ARAP1: variants seen among roughly 807,000 people sequenced by gnomAD.
ARAP1 encodes ArfGAP with RhoGAP domain, ankyrin repeat and PH domain 1.
In ARAP1, 76 loss-of-function variants were observed where a neutral mutation model predicts 172.2. That is an observed-to-expected ratio of 0.44 (90% CI 0.37 to 0.53). The LOEUF (loss-of-function observed/expected upper bound fraction) is 0.53, where lower values mean the gene tolerates loss of function less well. Ranked by LOEUF, ARAP1 falls within the 20% of genes least tolerant of loss-of-function variation. The probability of loss-of-function intolerance (pLI) is 0.00; values close to 1 mark genes in which losing one functional copy is unlikely to be tolerated. For missense variants in ARAP1, 1,686 were observed against 1,977.5 expected, an observed-to-expected ratio of 0.85 and a Z score of 2.80; for synonymous variants, 804 against 803.3, an observed-to-expected ratio of 1.00 and a Z score of -0.01.
chr11:72,704,391 G>A, intron 13 of ARAP1, 57 bp from the exon 14 acceptor site: 1 of 1,477,190 alleles, frequency 6.8e-7, no homozygotes, highest in Non-Finnish European at 9.0e-7. Context: ...GCCGTGCCGG[G>A]CAGAAACTTG....
rs1399835994 is a variant in ARAP1, at chr11:72,726,606, T to G, written c.509+14A>C. Reference sequence around the variant, plus strand: ...CTGCCTGTGCGCCTCCCACCCTGGGTGGCATCCACTCACCTCACCAGCAGG... The same window carrying G: ...CTGCCTGTGCGCCTCCCACCCTGGGGGGCATCCACTCACCTCACCAGCAGG... On this transcript the variant is annotated intron_variant, in intron 3 of 34. Coordinates refer to ENST00000393609, the MANE Select transcript of ARAP1 (RefSeq NM_001040118.3). This position sits in a 1 kb window ranked among gnomAD's most constrained non-coding sequence, Gnocchi z 6.5. 1 of 1,485,098 alleles carries G rather than the reference T, an allele frequency of 6.7e-7. No homozygotes were observed. The highest frequency in any genetic ancestry group is 2.4e-5 in the East Asian group (1 of 41,264). 92.0% of individuals were successfully genotyped at this position (1,485,098 alleles called of 1,614,324 possible). A position where few individuals can be genotyped will look rare whatever the true frequency, so the allele number is the denominator to read the frequency against.
At chr11:72,746,914 A>G (rs1463911482) in intron 1 of ARAP1, among the ~76,000 whole-genome samples, 2 of 152,350 alleles carry the variant, frequency 1.3e-5, no homozygotes, top group East Asian at 3.9e-4. Context: ...TGCCCTATGC[A>G]TTATGGGTTG....
At chr11:72,702,231 C>T (rs1051680611) in intron 15 of ARAP1, among the ~76,000 whole-genome samples, 5 of 152,214 alleles carry the variant, frequency 3.3e-5, no homozygotes, top group African/African-American at 9.6e-5. Flanking sequence ...TGTCCCCAAG[C>T]CCAAGCCAGT....
intron 30 of ARAP1, among the ~76,000 whole-genome samples, chr11:72,692,374 C>T (rs1445092954): frequency 6.6e-6 from 1 of 152,156 alleles, no homozygotes. Context: ...GTAGCAAGAA[C>T]ATTCTGACAG....
In ARAP1 at chr11:72,687,460, G is replaced by A. The variant is rs751257741; in HGVS notation, c.4164C>T (p.Phe1388=). The change falls in exon 33 of 35, where the codon TTC becomes TTT. Residue 1388 remains phenylalanine, a synonymous_variant. Transcript: ENST00000393609. ...GTACCTGCACAAACAGAAAGGTAGC[G>A]AACCACTCCCGGAGCTCCATCTGTG... is the stretch of plus-strand genomic sequence containing the variant. ...CDTQMELREW[F]ATFLFVQHDG... 9 of 1,614,018 alleles carry A rather than the reference G, an allele frequency of 5.6e-6. No individual in the cohort carries two copies. Among genetic ancestry groups the A allele is most frequent in the African/African-American group, 4.0e-5 (3 of 74,908 alleles).
At chr11:72,712,715 G>T in intron 5 of ARAP1, 147 bp from the exon 6 acceptor site, 2 of 1,336,554 alleles carry the variant, frequency 1.5e-6, no homozygotes, top group Non-Finnish European at 2.1e-6. Context: ...CCCTCCCCCT[G>T]CCAGCGGAGA....
intron 30 of ARAP1, 86 bp downstream of exon 30, chr11:72,692,667 C>A: frequency 6.4e-7 from 1 of 1,554,782 alleles, no homozygotes; most frequent in South Asian, 1.1e-5. Flanking sequence ...TGGCCAGGAG[C>A]CCTGGCTGTC....
At chr11:72,749,348 A>G (rs2135598485) in intron 1 of ARAP1, among the ~76,000 whole-genome samples, 1 of 152,208 alleles carries the variant, frequency 6.6e-6, no homozygotes, top group Non-Finnish European at 1.5e-5. Flanking sequence ...GTAGAATGTC[A>G]CCTAATTTCT....
intron 16 of ARAP1, 70 bp downstream of exon 16, chr11:72,701,579 C>T: frequency 6.4e-7 from 1 of 1,552,532 alleles, no homozygotes; most frequent in Non-Finnish European, 8.7e-7. Flanking sequence ...TCTGGCCAGC[C>T]CTGGCTTCCC....
intron 30 of ARAP1, among the ~76,000 whole-genome samples, chr11:72,690,308 C>T (rs553666519): frequency 4.6e-5 from 7 of 152,218 alleles, no homozygotes; most frequent in Non-Finnish European, 8.8e-5. Context: ...CCTCCGATTC[C>T]TTGGGGTCTG....
intron 1 of ARAP1, among the ~76,000 whole-genome samples, chr11:72,733,887 A>G (rs2135580615): frequency 6.6e-6 from 1 of 152,308 alleles, no homozygotes; most frequent in South Asian, 2.1e-4. Context: ...GCAGTAGCGC[A>G]ATCTTGGCTC....
At chr11:72,713,289 T>C (rs1255735682) in intron 4 of ARAP1, 46 bp from the exon 5 acceptor site, 8 of 1,566,446 alleles carry the variant, frequency 5.1e-6, no homozygotes, top group Non-Finnish European at 7.0e-6. Context: ...GGGCCTGGCC[T>C]CCTCTCCTGG....
At chr11:72,701,486 CA>C (rs1346777823) in intron 16 of ARAP1, among the ~76,000 whole-genome samples, 162 bp downstream of exon 16, 1 of 152,184 alleles carries the variant, frequency 6.6e-6, no homozygotes, top group Non-Finnish European at 1.5e-5. Flanking sequence ...CCACTCCCAC[CA>C]GGATCATTTA....
Position 72,699,233 on chromosome 11 carries a change from C to T in ARAP1, c.2439-126G>A. On this transcript the variant is annotated intron_variant, in intron 17 of 34. Transcript: ENST00000393609. The surrounding 1 kb of genome is among the most constrained non-coding windows in gnomAD (Gnocchi z 4.2). Reference sequence around the variant, plus strand: ...TTGGCGCTTGTCCTTATTCTGGTCCCCTAAGAGGTGGTGGAAAAGTCTTGG... The same window carrying T: ...TTGGCGCTTGTCCTTATTCTGGTCCTCTAAGAGGTGGTGGAAAAGTCTTGG... 1 of 1,382,690 alleles carries T rather than the reference C, an allele frequency of 7.2e-7. No homozygotes were observed. The highest frequency in any genetic ancestry group is 1.0e-6 in the Non-Finnish European group (1 of 1,001,164). The allele number at this position is 1,382,690 out of a possible 1,614,324, so 85.7% of individuals were successfully genotyped here.
chr11:72,722,276 G>A (rs1291931911), intron 3 of ARAP1: 1 of 985,676 alleles, frequency 1.0e-6, no homozygotes, highest in East Asian at 1.1e-4. Flanking sequence ...GTCTCCCGGA[G>A]GCTTCCTGCT....
intron 1 of ARAP1, among the ~76,000 whole-genome samples, chr11:72,739,429 C>T (rs941178257): frequency 7.2e-5 from 11 of 152,024 alleles, no homozygotes; most frequent in Admixed American, 4.6e-4. Flanking sequence ...ACCCCAGAGC[C>T]GGGGGAATGA....
intron 11 of ARAP1, chr11:72,708,417 A>G (rs1856860055): frequency 6.6e-6 from 1 of 152,546 alleles, no homozygotes. Flanking sequence ...GTTGATGACA[A>G]CAAGAAACCC....
At chr11:72,724,440 C>T (rs1055917131) in intron 3 of ARAP1, among the ~76,000 whole-genome samples, 2 of 152,112 alleles carry the variant, frequency 1.3e-5, no homozygotes, top group African/African-American at 2.4e-5. Flanking sequence ...GGGACTCCCA[C>T]AAGGCGGGGG....
rs1856372508 is a variant in ARAP1 at position 72,699,425 on chromosome 11, G to A, written c.2430C>T (p.Asp810=). 3.7e-6 allele frequency: 6 copies of A among 1,614,128 alleles called. No homozygotes were observed. The highest frequency in any genetic ancestry group is 5.1e-6 in the Non-Finnish European group (6 of 1,180,032). The change falls in exon 17 of 35, where the codon GAC becomes GAT. Residue 810 remains aspartate, a synonymous_variant. Coordinates refer to ENST00000393609, the MANE Select transcript of ARAP1 (RefSeq NM_001040118.3). This position sits in a 1 kb window ranked among gnomAD's most constrained non-coding sequence, Gnocchi z 4.2. ...TGCCCAGGAGTACTCACCCATGGGT[G>A]TCAGGAGGGGGCACTGCCAGGCACA... ...EIVCLAVPPP[D]THGFEHTFEV...
Sources: allele counts gnomAD v4.1 joint callset (sites outside exome capture counted in the v4.1 genomes callset), GRCh38; gene constraint gnomAD v4.1.1; non-coding constraint Gnocchi (gnomAD v3.1); transcripts MANE v1.5; gene names NCBI Gene and HGNC (gene_info 2026-07-23, HGNC 2026-07-21).